Variants in NR3C2 observed in about 807,000 individuals in gnomAD.
NR3C2 encodes the protein mineralocorticoid receptor.
NR3C2 carries 15 observed loss-of-function variants against 86.4 expected under a neutral mutation model. That is an observed-to-expected ratio of 0.17 (90% CI 0.12 to 0.27). The LOEUF (loss-of-function observed/expected upper bound fraction) is 0.27. NR3C2 is among the 10% of genes least tolerant of loss of function. NR3C2 has a pLI of 1.00. For missense variants in NR3C2, 960 were observed against 1,195.6 expected (o/e 0.80, Z 2.91); for synonymous variants, 458 against 450.5 (o/e 1.02, Z -0.21).
In NR3C2 at chr4:148,260,610, G is replaced by C. The variant is rs559679455; in HGVS notation, c.1758-493C>G. On this transcript the variant is annotated intron_variant, in intron 2 of 8. Coordinates refer to ENST00000358102, the MANE Select transcript of NR3C2 (RefSeq NM_000901.5). ...CACTAATTTAAAAAAATTTTATCTT[G>C]TCTCAACTGCCAGTAATTTTATCCC... Among the ~76,000 whole-genome samples, 39 of 152,040 alleles carry C rather than the reference G, an allele frequency of 2.6e-4. 1 individual carries two copies. The highest frequency in any genetic ancestry group is 4.4e-5 in the Non-Finnish European group (3 of 67,956).
At chr4:148,140,726 A>T (rs1189927649) in intron 6 of NR3C2, among the ~76,000 whole-genome samples, 1 of 152,184 alleles carries the variant, frequency 6.6e-6, no homozygotes, top group African/African-American at 2.4e-5. Flanking sequence ...TAAAAATGAA[A>T]AATAGCTCCC....
intron 3 of NR3C2, among the ~76,000 whole-genome samples, chr4:148,229,117 T>G (rs1374666131): frequency 1.3e-5 from 2 of 152,038 alleles, no homozygotes; most frequent in East Asian, 3.9e-4. Context: ...TTAAAGCAAA[T>G]TGATAGATGC....
intron 4 of NR3C2, among the ~76,000 whole-genome samples, chr4:148,187,868 C>T (rs921844228): frequency 9.2e-5 from 14 of 152,138 alleles, no homozygotes; most frequent in African/African-American, 3.1e-4. Flanking sequence ...AGGTTTAAGT[C>T]CTTAATCCAT....
upstream of NR3C2, chr4:148,444,915 G>A: frequency 1.0e-6 from 1 of 984,946 alleles, no homozygotes; most frequent in Non-Finnish European, 1.2e-6. Context: ...CACTCTCCGC[G>A]CCCCCTCCCC....
At chr4:148,276,080 A>C (rs1396499460) in intron 2 of NR3C2, among the ~76,000 whole-genome samples, 4 of 152,332 alleles carry the variant, frequency 2.6e-5, no homozygotes, top group Admixed American at 2.6e-4. Context: ...TGTACAGAGC[A>C]CAGTGAGCCC....
intron 2 of NR3C2, among the ~76,000 whole-genome samples, chr4:148,427,196 G>C (rs1749586347): frequency 6.6e-6 from 1 of 151,880 alleles, no homozygotes. Flanking sequence ...CTCAAGTGAT[G>C]TGCCTACCTT....
chr4:148,277,507 G>A (rs2149892495), intron 2 of NR3C2, among the ~76,000 whole-genome samples: 1 of 152,170 alleles, frequency 6.6e-6, no homozygotes, highest in South Asian at 2.1e-4. Flanking sequence ...CTTGAGCCCA[G>A]GAGTTCAAGT....
At chr4:148,303,715 TA>T (rs1742458910) in intron 2 of NR3C2, among the ~76,000 whole-genome samples, 1 of 152,068 alleles carries the variant, frequency 6.6e-6, no homozygotes, top group Non-Finnish European at 1.5e-5. Flanking sequence ...TAATGGAAGT[TA>T]AAAGGCACAG....
rs563741271 is a variant in NR3C2, at chr4:148,413,812, A to T, written c.1757+21292T>A. On this transcript the variant is annotated intron_variant, in intron 2 of 8. Transcript: ENST00000358102. ...CCCACAATACAAAGCGTAAGCAAGG[A>T]TGTGGCAAATCAGTACCTTACACAT... Among the ~76,000 whole-genome samples the T allele has an allele frequency of 1.1e-4, 16 of 152,312 alleles. No individual in the cohort carries two copies. The South Asian group carries it at 2.7e-3, about 26-fold the overall frequency.
At chr4:148,389,220 T>C (rs919449070) in intron 2 of NR3C2, among the ~76,000 whole-genome samples, 1 of 152,022 alleles carries the variant, frequency 6.6e-6, no homozygotes, top group African/African-American at 2.4e-5. Flanking sequence ...AGGAGCCTGG[T>C]CAGGCCTTGC....
In NR3C2 at chr4:148,262,012, G is replaced by A. The variant is rs1331931195; in HGVS notation, c.1758-1895C>T. Among the ~76,000 whole-genome samples the A allele has an allele frequency of 3.3e-5, 5 of 152,050 alleles. No individual in the cohort carries two copies. The East Asian group carries it at 9.6e-4, about 29-fold the overall frequency. ...TTTATTATTTTTATTGGTATCCTTT[G>A]ACTTCTTTATGGCATTCAAAACATT... On this transcript the variant is annotated intron_variant, in intron 2 of 8. Coordinates refer to ENST00000358102, the MANE Select transcript of NR3C2 (RefSeq NM_000901.5).
At chr4:148,440,630 A>C (rs1330014984) in intron 1 of NR3C2, among the ~76,000 whole-genome samples, 2 of 152,208 alleles carry the variant, frequency 1.3e-5, no homozygotes, top group African/African-American at 2.4e-5. Flanking sequence ...GCCCCAAAAC[A>C]CAAAAAAAAA....
chr4:148,312,127 C>G (rs933003041), intron 2 of NR3C2, among the ~76,000 whole-genome samples: 3 of 152,216 alleles, frequency 2.0e-5, no homozygotes, highest in Middle Eastern at 3.4e-3. Context: ...TATACTGGCT[C>G]GTGGAAGCCA....
intron 3 of NR3C2, among the ~76,000 whole-genome samples, chr4:148,248,505 G>A (rs1352216973): frequency 6.6e-6 from 1 of 152,164 alleles, no homozygotes; most frequent in African/African-American, 2.4e-5. Flanking sequence ...GTAAAAAGTA[G>A]TTGTGATCTT....
At chr4:148,268,346 T>C (rs1318412670) in intron 2 of NR3C2, among the ~76,000 whole-genome samples, 1 of 152,326 alleles carries the variant, frequency 6.6e-6, no homozygotes, top group East Asian at 1.9e-4. Flanking sequence ...ATATTATCTT[T>C]GCTGACAAAT....
intron 3 of NR3C2, among the ~76,000 whole-genome samples, chr4:148,236,239 A>C (rs1230962529): frequency 6.6e-6 from 1 of 152,230 alleles, no homozygotes; most frequent in Non-Finnish European, 1.5e-5. Flanking sequence ...CCCAGGCTTC[A>C]AGGTGTCGGG....
At chr4:148,159,900 A>G (rs1164859821) in intron 4 of NR3C2, among the ~76,000 whole-genome samples, 1 of 152,228 alleles carries the variant, frequency 6.6e-6, no homozygotes, top group Non-Finnish European at 1.5e-5. Flanking sequence ...TATTGAGTTT[A>G]TGGCCATTGA....
At chr4:148,240,647 T>C (rs1738981288) in intron 3 of NR3C2, among the ~76,000 whole-genome samples, 1 of 152,116 alleles carries the variant, frequency 6.6e-6, no homozygotes, top group Non-Finnish European at 1.5e-5. Flanking sequence ...TGGACTTGTA[T>C]CTTAAACCTA....
At chr4:148,271,050 T>G (rs1180989938) in intron 2 of NR3C2, among the ~76,000 whole-genome samples, 1 of 152,178 alleles carries the variant, frequency 6.6e-6, no homozygotes, top group Non-Finnish European at 1.5e-5. Flanking sequence ...GCAATAGTGC[T>G]CTACTAAGTA....
Sources: allele counts gnomAD v4.1 joint callset (sites outside exome capture counted in the v4.1 genomes callset), GRCh38; gene constraint gnomAD v4.1.1; transcripts MANE v1.5; gene names NCBI Gene and HGNC (gene_info 2026-07-23, HGNC 2026-07-21).